FOCAD: variants seen among roughly 807,000 people sequenced by gnomAD.
The protein encoded by FOCAD is focadhesin, also known as KIAA1797.
A neutral mutation model predicts 225.6 loss-of-function variants in FOCAD; 198 were observed. That is an observed-to-expected ratio of 0.88 (90% CI 0.78 to 0.99). FOCAD has a LOEUF of 0.99. Among genes scored for constraint, FOCAD ranks in the 50% least tolerant of loss-of-function variants. The pLI is 0.00. For synonymous variants in FOCAD, 897 were observed against 755.0 expected, an observed-to-expected ratio of 1.19 and a Z score of -3.08; for missense variants, 2,713 against 2,123.6, an observed-to-expected ratio of 1.28 and a Z score of -5.46.
upstream of FOCAD, among the ~76,000 whole-genome samples, chr9:20,655,996 CA>C (rs1821470320): frequency 6.6e-6 from 1 of 152,146 alleles, no homozygotes; most frequent in Admixed American, 6.5e-5. Context: ...TCGTTGTTTT[CA>C]AAGAACATCT....
At chr9:20,864,426 C>A (rs752027735) in intron 16 of FOCAD, among the ~76,000 whole-genome samples, 5 of 151,964 alleles carry the variant, frequency 3.3e-5, no homozygotes, top group African/African-American at 4.8e-5. Flanking sequence ...CAAACTTTTC[C>A]ATTTCTTTTC....
upstream of FOCAD, among the ~76,000 whole-genome samples, chr9:20,680,206 G>A (rs1363185076): frequency 1.3e-5 from 2 of 152,196 alleles, no homozygotes; most frequent in African/African-American, 4.8e-5. Flanking sequence ...GAATATAGGT[G>A]GACTATTAGA....
chr9:20,718,112 C>G (rs540218956), intron 3 of FOCAD, among the ~76,000 whole-genome samples: 1 of 152,182 alleles, frequency 6.6e-6, no homozygotes, highest in South Asian at 2.1e-4. Flanking sequence ...GAGGAGTATT[C>G]TTATGACTAT....
At chr9:20,812,866 G>T (rs1236679111) in intron 11 of FOCAD, among the ~76,000 whole-genome samples, 2 of 152,098 alleles carry the variant, frequency 1.3e-5, no homozygotes, top group Non-Finnish European at 2.9e-5. Flanking sequence ...AGGATTTTTT[G>T]TGTATGGTAA....
chr9:20,715,368 C>T lies in FOCAD; in HGVS notation c.15C>T (p.Ile5=). MSDD[I]RKRFEFPNSL... is the part of the protein sequence containing the mutation. ...GAGAAGCAAAAATGTCAGATGATAT[C>T]AGGAAAAGGTTTGAATTTCCAAATT... is the stretch of plus-strand genomic sequence containing the variant. The change falls in exon 2 of 44, where the codon ATC becomes ATT. Residue 5 remains isoleucine, a synonymous_variant. Transcript: ENST00000338382. 1 of 1,528,210 alleles carries T rather than the reference C, an allele frequency of 6.5e-7. No individual in the cohort carries two copies. Among genetic ancestry groups the T allele is most frequent in the Non-Finnish European group, 8.8e-7 (1 of 1,131,692 alleles). The allele number at this position is 1,528,210 out of a possible 1,614,324, so 94.7% of individuals were successfully genotyped here. A position where few individuals can be genotyped will look rare whatever the true frequency, so the allele number is the denominator to read the frequency against.
In FOCAD at chr9:20,990,128, G is replaced by C; in HGVS notation, c.5010G>C (p.Leu1670Phe). Residue 1670 changes from leucine to phenylalanine, a missense_variant, in exon 42 of 44, where the codon TTG becomes TTC. Physicochemically the swap from Leu to Phe is conservative, Grantham distance 22. Coordinates refer to ENST00000338382, the MANE Select transcript of FOCAD (RefSeq NM_001375567.1). ...SFHNTALDKA[L>F]DFFLLIFATA... ...CATTTCTATTTTCATCGTAGGCTTT[G>C]GACTTCTTCTTGCTGATATTTGCAA... is the stretch of plus-strand genomic sequence containing the variant. 1 of 1,614,110 alleles carries C rather than the reference G, an allele frequency of 6.2e-7. No homozygotes were observed. The highest frequency in any genetic ancestry group is 8.5e-7 in the Non-Finnish European group (1 of 1,179,976).
chr9:20,716,264 T>C, intron 2 of FOCAD: 1 of 348,472 alleles, frequency 2.9e-6, no homozygotes, highest in African/African-American at 2.0e-5. Flanking sequence ...TTTATTTTTC[T>C]GTGCCTGGAG....
chr9:20,978,980 C>G (rs568143952), intron 37 of FOCAD, among the ~76,000 whole-genome samples: 1 of 152,162 alleles, frequency 6.6e-6, no homozygotes, highest in Non-Finnish European at 1.5e-5. Flanking sequence ...GGCTGTTTAG[C>G]TTGAGCAAAG....
chr9:20,817,836 T>A (rs4977752), intron 11 of FOCAD, among the ~76,000 whole-genome samples: 2 of 152,074 alleles, frequency 1.3e-5, no homozygotes, highest in East Asian at 1.9e-4. Context: ...AAATAATGCT[T>A]TTCTGAAAAT....
intron 2 of FOCAD, among the ~76,000 whole-genome samples, chr9:20,664,958 A>AT (rs35458504): frequency 0.61 from 92,679 of 151,758 alleles, 28,737 homozygotes; most frequent in South Asian, 0.75. Flanking sequence ...AAAACACTGC[A>AT]TTTTTTTAAA....
chr9:20,777,304 G>GTTTTTTTTTTTTTTTTTTTTTTTTTTTT (rs35710134), intron 8 of FOCAD, among the ~76,000 whole-genome samples: 1 of 110,866 alleles, frequency 9.0e-6, no homozygotes, highest in Non-Finnish European at 1.8e-5. Flanking sequence ...TTTCCTGTGG[G>GTTTTTTTTTTTTTTTTTTTTTTTTTTTT]TTTTTTTTTT....
chr9:20,789,051 T>G (rs1820245539), intron 10 of FOCAD, among the ~76,000 whole-genome samples: 1 of 152,170 alleles, frequency 6.6e-6, no homozygotes, highest in Non-Finnish European at 1.5e-5. Flanking sequence ...TTTTTCCAAA[T>G]GCAATTGCCT....
chr9:20,776,319 G>A (rs895969573), intron 8 of FOCAD, among the ~76,000 whole-genome samples: 4 of 152,194 alleles, frequency 2.6e-5, no homozygotes, highest in Non-Finnish European at 1.5e-5. Context: ...GAGCTTCAGG[G>A]GAGAACCATT....
chr9:20,966,210 A>T (rs1202821033), intron 35 of FOCAD, among the ~76,000 whole-genome samples: 1 of 152,044 alleles, frequency 6.6e-6, no homozygotes, highest in East Asian at 1.9e-4. Context: ...TTCCATTATT[A>T]TTATCATTGC....
At chr9:20,700,538 A>G (rs1259638412) in intron 1 of FOCAD, among the ~76,000 whole-genome samples, 2 of 152,130 alleles carry the variant, frequency 1.3e-5, no homozygotes, top group Non-Finnish European at 2.9e-5. Context: ...CCTAGTTAAA[A>G]AAAAAAAAAA....
intron 21 of FOCAD, among the ~76,000 whole-genome samples, chr9:20,902,441 G>A (rs573376960): frequency 3.3e-5 from 5 of 152,034 alleles, no homozygotes; most frequent in African/African-American, 1.2e-4. Context: ...ACATCAGGTG[G>A]AGAAATTGGT....
chr9:20,687,890 G>A (rs1035289708), intron 1 of FOCAD, among the ~76,000 whole-genome samples: 2 of 152,162 alleles, frequency 1.3e-5, no homozygotes, highest in Admixed American at 6.5e-5. Flanking sequence ...CAAGGTTTGA[G>A]GAGATTCAGA....
chr9:20,885,374 G>A, intron 21 of FOCAD, 144 bp downstream of exon 21: 1 of 697,374 alleles, frequency 1.4e-6, no homozygotes, highest in Non-Finnish European at 2.0e-6. Flanking sequence ...TGACCCAACT[G>A]AATACTCAAA....
At chr9:20,835,433 A>G (rs184899410) in intron 15 of FOCAD, among the ~76,000 whole-genome samples, 142 of 152,190 alleles carry the variant, frequency 9.3e-4, no homozygotes, top group Non-Finnish European at 3.5e-4. Context: ...TAATTGTGAT[A>G]AAAGTGTGAG....
Sources: gnomAD v4.1 joint callset for allele counts (sites outside exome capture counted in the v4.1 genomes callset) on GRCh38, gnomAD v4.1.1 for gene constraint, MANE v1.5 for transcripts, NCBI Gene and HGNC (gene_info 2026-07-23, HGNC 2026-07-21) for gene names.